Variants in CHRNG observed in about 807,000 individuals in gnomAD.
CHRNG encodes the protein cholinergic receptor nicotinic gamma subunit.
CHRNG carries 72 observed loss-of-function variants against 65.2 expected under a neutral mutation model. The ratio of observed to expected loss-of-function variants is 1.10; its 90% confidence interval spans 0.91 to 1.34. The LOEUF (loss-of-function observed/expected upper bound fraction) is 1.34, where lower values mean the gene tolerates loss of function less well. Ranked by LOEUF, CHRNG falls within the 40% of genes most tolerant of loss-of-function variation. CHRNG has a pLI of 0.00. For missense variants in CHRNG, 637 were observed against 680.1 expected (o/e 0.94, Z 0.70); for synonymous variants, 284 against 290.2 (o/e 0.98, Z 0.22).
In CHRNG at chr2:232,540,069, GAACGAGACTC is replaced by G; in HGVS notation, c.134_143del (p.Glu45GlyfsTer8). On this transcript the variant is annotated frameshift_variant, in exon 2 of 12. Coordinates refer to ENST00000651502, the MANE Select transcript of CHRNG (RefSeq NM_005199.5). LOFTEE classifies it high-confidence loss of function. The surrounding 1 kb of genome is among the most constrained non-coding windows in gnomAD (Gnocchi z 4.2). ...CTACGACCCCAACCTGCGGCCCGCG[GAACGAGACTC>G]GGATGTGGTCAATGTCAGCCTGAAG... 1 of 1,614,220 alleles carries G rather than the reference GAACGAGACTC, an allele frequency of 6.2e-7. No individual in the cohort carries two copies. The highest frequency in any genetic ancestry group is 8.5e-7 in the Non-Finnish European group (1 of 1,180,024).
rs1380722349 is a variant in CHRNG, at chr2:232,547,051, C to T, written c.*1335C>T. ...GTTTGGCTGGTAACCAGGGGACACC[C>T]TTGGGCAAGTCACCTATGCTCCCTG... On this transcript the variant is annotated 3_prime_UTR_variant, in exon 12 of 12. Transcript: ENST00000651502. Among the ~76,000 whole-genome samples, 1 of 152,184 alleles carries T rather than the reference C, an allele frequency of 6.6e-6. No individual in the cohort carries two copies. The highest frequency in any genetic ancestry group is 1.9e-4 in the East Asian group (1 of 5,198).
chr2:232,540,005 G>A lies in CHRNG; in HGVS notation c.69G>A (p.Arg23=), dbSNP rs777779730. Residue 23 remains arginine, a synonymous_variant, in exon 2 of 12, where the codon CGG becomes CGA. Coordinates refer to ENST00000651502, the MANE Select transcript of CHRNG (RefSeq NM_005199.5). This position sits in a 1 kb window ranked among gnomAD's most constrained non-coding sequence, Gnocchi z 4.2. ...TGTCTATTGCAGGGGCCCAGGGCCGGAACCAGGAGGAGCGCCTGCTCGCAG... is the reference window on the plus strand; with the variant it reads ...TGTCTATTGCAGGGGCCCAGGGCCGAAACCAGGAGGAGCGCCTGCTCGCAG... ...LLAVCLGAQG[R]NQEERLLADL... 12 of 1,614,050 alleles carry A rather than the reference G, an allele frequency of 7.4e-6. No individual in the cohort carries two copies. The highest frequency in any genetic ancestry group is 1.0e-5 in the Non-Finnish European group (12 of 1,180,014).
rs1692051103 is a variant in CHRNG at position 232,543,081 on chromosome 2, G to A, written c.804G>A (p.Lys268=). ...VAILIHFLPA[K]AGGQKCTVAI... ...TCCTCATCCACTTCCTTCCTGCCAA[G>A]GGTACCTGGAGCCTATGGGAAGGAG... is the stretch of plus-strand genomic sequence containing the variant. Residue 268 remains lysine, a splice_region_variant and synonymous_variant, in exon 7 of 12, where the codon AAG becomes AAA. Coordinates refer to ENST00000651502, the MANE Select transcript of CHRNG (RefSeq NM_005199.5). 6.2e-7 allele frequency: 1 copy of A among 1,614,038 alleles called. No homozygotes were observed. The highest frequency in any genetic ancestry group is 8.5e-7 in the Non-Finnish European group (1 of 1,179,894).
rs1307770334 is a variant in CHRNG, at chr2:232,540,666, T to G, written c.305T>G (p.Val102Gly). The change falls in exon 4 of 12, where the codon GTG (valine) becomes GGG (glycine). Residue 102 changes from valine to glycine, a missense_variant. Val to Gly is a moderately radical substitution (Grantham distance 109, BLOSUM62 -3). Coordinates refer to ENST00000651502, the MANE Select transcript of CHRNG (RefSeq NM_005199.5). This position sits in a 1 kb window ranked among gnomAD's most constrained non-coding sequence, Gnocchi z 4.2. Reference sequence around the variant, plus strand: ...TACGAAGGCCTGTGGGTGCTGAGGGTGCCGTCCACCATGGTGTGGCGGCCG... The same window carrying G: ...TACGAAGGCCTGTGGGTGCTGAGGGGGCCGTCCACCATGGTGTGGCGGCCG... ...RDYEGLWVLR[V>G]PSTMVWRPDI... 6.2e-7 allele frequency: 1 copy of G among 1,612,848 alleles called. No individual in the cohort carries two copies. The highest frequency in any genetic ancestry group is 8.5e-7 in the Non-Finnish European group (1 of 1,179,930).
In CHRNG at chr2:232,544,551, G is replaced by T. The variant is rs767884780; in HGVS notation, c.1220G>T (p.Gly407Val). Residue 407 changes from glycine to valine, a missense_variant, in exon 10 of 12, where the codon GGG (glycine) becomes GTG (valine). Physicochemically the swap from Gly to Val is moderately radical, Grantham distance 109. Coordinates refer to ENST00000651502, the MANE Select transcript of CHRNG (RefSeq NM_005199.5). Reference protein sequence around the residue: ...ELLFQQWQRQGLVAAALEKLE... With the variant: ...ELLFQQWQRQVLVAAALEKLE... ...CTCTTCCAGCAGTGGCAGCGGCAAGGGCTGGTGGCGGCAGCGCTGGAGAAG... is the reference window on the plus strand; with the variant it reads ...CTCTTCCAGCAGTGGCAGCGGCAAGTGCTGGTGGCGGCAGCGCTGGAGAAG... 1 of 1,613,448 alleles carries T rather than the reference G, an allele frequency of 6.2e-7. No homozygotes were observed. Among genetic ancestry groups the T allele is most frequent in the Non-Finnish European group, 8.5e-7 (1 of 1,179,890 alleles).
At position 232,545,805 on chromosome 2, in the gene CHRNG, T is replaced by G; in HGVS notation, c.*89T>G. The G allele has an allele frequency of 6.9e-7, 1 of 1,445,564 alleles. No homozygotes were observed. Among genetic ancestry groups the G allele is most frequent in the Non-Finnish European group, 9.7e-7 (1 of 1,033,636 alleles). 89.5% of individuals were successfully genotyped at this position (1,445,564 alleles called of 1,614,324 possible). ...CACGTTCTCCTACTGAGGTCCTAAG[T>G]GTGCTCTTTGGGAAGTGCCCTTCAG... On this transcript the variant is annotated 3_prime_UTR_variant, in exon 12 of 12. Coordinates refer to ENST00000651502, the MANE Select transcript of CHRNG (RefSeq NM_005199.5).
rs970615017 is a variant in CHRNG at position 232,545,774 on chromosome 2, A to G, written c.*58A>G. On this transcript the variant is annotated 3_prime_UTR_variant, in exon 12 of 12. Transcript: ENST00000651502. ...ACACACGTGGGTCACACTGAGTCTT[A>G]TCAGCCACGTTCTCCTACTGAGGTC... is the stretch of plus-strand genomic sequence containing the variant. 3.8e-6 allele frequency: 6 copies of G among 1,578,794 alleles called. No individual in the cohort carries two copies. In the African/African-American group the frequency reaches 8.1e-5, roughly 21 times the overall value.
Position 232,541,478 on chromosome 2 carries a change from T to G in CHRNG, c.455T>G (p.Ile152Ser). The change falls in exon 5 of 12, where the codon ATC becomes AGC. Residue 152 changes from isoleucine to serine, a missense_variant. Ile to Ser is a moderately radical substitution (Grantham distance 142). Transcript: ENST00000651502. This position sits in a 1 kb window ranked among gnomAD's most constrained non-coding sequence, Gnocchi z 4.0. ...PPAIFRSACSISVTYFPFDWQ... is the reference protein window; with the variant it reads ...PPAIFRSACSSSVTYFPFDWQ... ...GCCATCTTCCGTTCCGCCTGCTCTATCTCAGTCACCTACTTCCCCTTCGAC... is the reference window on the plus strand; with the variant it reads ...GCCATCTTCCGTTCCGCCTGCTCTAGCTCAGTCACCTACTTCCCCTTCGAC... The G allele has an allele frequency of 1.2e-6, 2 of 1,614,148 alleles. No homozygotes were observed. The highest frequency in any genetic ancestry group is 2.2e-5 in the South Asian group (2 of 91,088).
intron 8 of CHRNG, 31 bp from the exon 9 acceptor site, chr2:232,543,554 C>T: frequency 7.0e-7 from 1 of 1,433,576 alleles, no homozygotes; most frequent in Non-Finnish European, 9.8e-7. Flanking sequence ...ATGGTATGGG[C>T]TGCCAGCTCC....
chr2:232,544,106 C>A (rs565155499), intron 9 of CHRNG, among the ~76,000 whole-genome samples: 68 of 152,324 alleles, frequency 4.5e-4, no homozygotes, highest in African/African-American at 1.5e-3. Context: ...ATTCCCAGGC[C>A]TGTCCCAGGC....
rs1559302275 is a variant in CHRNG, at chr2:232,539,797, G to C, written c.50G>C (p.Cys17Ser). 2 of 1,613,870 alleles carry C rather than the reference G, an allele frequency of 1.2e-6. No individual in the cohort carries two copies. The highest frequency in any genetic ancestry group is 2.2e-5 in the South Asian group (2 of 91,076). Reference sequence around the variant, plus strand: ...CTCCTCCTGCTGCTGCTGGCTGTCTGCCTGGGTGGGACACAAAGGAATCTC... The same window carrying C: ...CTCCTCCTGCTGCTGCTGGCTGTCTCCCTGGGTGGGACACAAAGGAATCTC... ...PLLLLLLLAV[C>S]LGAQGRNQEE... The change falls in exon 1 of 12, where the codon TGC becomes TCC. Residue 17 changes from cysteine to serine, a missense_variant. Transcript: ENST00000651502.
rs562309308 is a variant in CHRNG, at chr2:232,541,847, C to G, written c.506+318C>G. 2.2e-6 allele frequency: 1 copy of G among 452,786 alleles called. No individual in the cohort carries two copies. The allele number at this position is 452,786 out of a possible 1,614,324, so 28.0% of individuals were successfully genotyped here. A position where few individuals can be genotyped will look rare whatever the true frequency, so the allele number is the denominator to read the frequency against. On this transcript the variant is annotated intron_variant, in intron 5 of 11. Transcript: ENST00000651502. This position sits in a 1 kb window ranked among gnomAD's most constrained non-coding sequence, Gnocchi z 4.0. The stretch of plus-strand genomic sequence containing the variant: ...CACAAGATGCGTGTCTGCGCACACA[C>G]GAAACCACTGCACACTCCAGGCCCA...
In CHRNG at chr2:232,545,640, T is replaced by A; in HGVS notation, c.1478T>A (p.Leu493His). 6.2e-7 allele frequency: 1 copy of A among 1,614,132 alleles called. No homozygotes were observed. Among genetic ancestry groups the A allele is most frequent in the East Asian group, 2.2e-5 (1 of 44,870 alleles). ...ATCTGTGGCACAGCTGGCATCTTCC[T>A]CATGGCCCACTACAACCGGGTGCCG... The part of the protein sequence containing the change: ...LFICGTAGIF[L>H]MAHYNRVPAL... Residue 493 changes from leucine to histidine, a missense_variant, in exon 12 of 12, where the codon CTC becomes CAC. Leu to His is a moderately conservative substitution (Grantham distance 99). Transcript: ENST00000651502.
Position 232,539,757 on chromosome 2 carries a change from G to T in CHRNG, c.10G>T (p.Gly4Cys), listed in dbSNP as rs1024771919. Residue 4 changes from glycine (G) to cysteine (C), a missense_variant, in exon 1 of 12, where the codon GGC becomes TGC. Coordinates refer to ENST00000651502, the MANE Select transcript of CHRNG (RefSeq NM_005199.5). The part of the protein sequence containing the change: MHG[G>C]QGPLLLLLLL... ...AGAGAGCTGAGGCACCATGCATGGG[G>T]GCCAGGGGCCGCTGCTCCTCCTGCT... 6.2e-7 allele frequency: 1 copy of T among 1,613,794 alleles called. No individual in the cohort carries two copies. The highest frequency in any genetic ancestry group is 1.3e-5 in the African/African-American group (1 of 74,924).
rs958487705 is a variant in CHRNG, at chr2:232,546,985, G to C, written c.*1269G>C. On this transcript the variant is annotated 3_prime_UTR_variant, in exon 12 of 12. Coordinates refer to ENST00000651502, the MANE Select transcript of CHRNG (RefSeq NM_005199.5). Reference sequence around the variant, plus strand: ...TAGTAAGGCTGGGGTCTTCCTGGGGGAGAGGCAAGGTCCTGCTCTGAGATT... The same window carrying C: ...TAGTAAGGCTGGGGTCTTCCTGGGGCAGAGGCAAGGTCCTGCTCTGAGATT... Among the ~76,000 whole-genome samples the C allele has an allele frequency of 1.3e-5, 2 of 151,928 alleles. No individual in the cohort carries two copies. Among genetic ancestry groups the C allele is most frequent in the Non-Finnish European group, 2.9e-5 (2 of 67,992 alleles).
intron 6 of CHRNG, 125 bp from the exon 7 acceptor site, chr2:232,542,757 A>C (rs1692043549): frequency 1.2e-6 from 1 of 846,566 alleles, no homozygotes; most frequent in East Asian, 2.7e-5. Context: ...TCTGTCCCTC[A>C]AGGGTGCCTC....
At position 232,545,842 on chromosome 2, in the gene CHRNG, C is replaced by T. The variant is rs369614677; in HGVS notation, c.*126C>T. On this transcript the variant is annotated 3_prime_UTR_variant, in exon 12 of 12. Transcript: ENST00000651502. ...GAAGTGCCCTTCAGGACTGTGTGAG[C>T]CAAACAGCCCTGAGAAAAGCTGGGG... 69 of 1,082,724 alleles carry T rather than the reference C, an allele frequency of 6.4e-5. No individual in the cohort carries two copies. Among genetic ancestry groups the T allele is most frequent in the East Asian group, 3.2e-4 (13 of 40,940 alleles). 67.1% of individuals were successfully genotyped at this position (1,082,724 alleles called of 1,614,324 possible). A position where few individuals can be genotyped will look rare whatever the true frequency, so the allele number is the denominator to read the frequency against.
chr2:232,544,267 C>A, intron 9 of CHRNG, 100 bp from the exon 10 acceptor site: 4 of 913,876 alleles, frequency 4.4e-6, no homozygotes, highest in Non-Finnish European at 7.2e-6. Flanking sequence ...CCCCGGTATG[C>A]TGCCTCCATG....
chr2:232,540,775 C>A lies in CHRNG; in HGVS notation c.350+64C>A, dbSNP rs929993219. The A allele has an allele frequency of 1.4e-6, 2 of 1,403,982 alleles. No homozygotes were observed. The highest frequency in any genetic ancestry group is 2.8e-5 in the African/African-American group (2 of 70,782). 87.0% of individuals were successfully genotyped at this position (1,403,982 alleles called of 1,614,324 possible). A position where few individuals can be genotyped will look rare whatever the true frequency, so the allele number is the denominator to read the frequency against. Reference sequence around the variant, plus strand: ...GACACAGGGTCTGGGCCCAGCAGAACAAGGCACTCTGGGAAAAGAGAAAGA... The same window carrying A: ...GACACAGGGTCTGGGCCCAGCAGAAAAAGGCACTCTGGGAAAAGAGAAAGA... On this transcript the variant is annotated intron_variant, in intron 4 of 11. Transcript: ENST00000651502. The surrounding 1 kb of genome is among the most constrained non-coding windows in gnomAD (Gnocchi z 4.2).
Sources: gnomAD v4.1 joint callset for allele counts (sites outside exome capture counted in the v4.1 genomes callset) on GRCh38, gnomAD v4.1.1 for gene constraint, Gnocchi (gnomAD v3.1) non-coding constraint, MANE v1.5 for transcripts, NCBI Gene and HGNC (gene_info 2026-07-23, HGNC 2026-07-21) for gene names.